MMP11: variants seen among roughly 807,000 people sequenced by gnomAD.
MMP11 encodes matrix metallopeptidase 11, also known as stromelysin-3.
Under a neutral mutation model 49.5 loss-of-function variants are expected in MMP11, and 26 were observed. That is an observed-to-expected ratio of 0.52 (90% CI 0.38 to 0.73). MMP11 has a LOEUF of 0.73. MMP11 is among the 30% of genes least tolerant of loss of function. MMP11 has a pLI of 0.00. For synonymous variants in MMP11, 265 were observed against 282.3 expected (o/e 0.94, Z 0.62); for missense variants, 624 against 671.2 (o/e 0.93, Z 0.78).
chr22:23,773,238 GGACCT>G (rs1467476091), intron 1 of MMP11, among the ~76,000 whole-genome samples: 1 of 152,210 alleles, frequency 6.6e-6, no homozygotes, highest in African/African-American at 2.4e-5. Flanking sequence ...CCCAGCGTGG[GGACCT>G]GCCTCTCGCG....
chr22:23,776,828 G>T (rs1171499340), intron 1 of MMP11, among the ~76,000 whole-genome samples: 2 of 144,176 alleles, frequency 1.4e-5, no homozygotes, highest in African/African-American at 5.2e-5. Flanking sequence ...TTTTTTTTGA[G>T]ATGGAGTCTC....
intron 7 of MMP11, 32 bp downstream of exon 7, chr22:23,782,515 TG>T: frequency 6.3e-7 from 1 of 1,577,584 alleles, no homozygotes. Flanking sequence ...TGGTGGGAGG[TG>T]GGCACAGCAG....
At chr22:23,778,258 G>A (rs1029100568) in intron 1 of MMP11, among the ~76,000 whole-genome samples, 4 of 152,208 alleles carry the variant, frequency 2.6e-5, no homozygotes, top group African/African-American at 9.6e-5. Context: ...GACTTTGCAG[G>A]GTCTCCAACC....
Position 23,780,108 on chromosome 22 carries a change from G to A in MMP11, c.339-251G>A. 2 of 561,094 alleles carry A rather than the reference G, an allele frequency of 3.6e-6. No individual in the cohort carries two copies. Among genetic ancestry groups the A allele is most frequent in the South Asian group, 4.4e-5 (2 of 45,330 alleles). 34.8% of individuals were successfully genotyped at this position (561,094 alleles called of 1,614,324 possible). Reference sequence around the variant, plus strand: ...TGGCACTGTCAGGTCTAGGATGGGGGTCTCGGGACCCCTGGTCCTGGTTCT... The same window carrying A: ...TGGCACTGTCAGGTCTAGGATGGGGATCTCGGGACCCCTGGTCCTGGTTCT... On this transcript the variant is annotated intron_variant, in intron 2 of 7. Coordinates refer to ENST00000215743, the MANE Select transcript of MMP11 (RefSeq NM_005940.5). The surrounding 1 kb of genome is among the most constrained non-coding windows in gnomAD (Gnocchi z 4.6).
intron 1 of MMP11, among the ~76,000 whole-genome samples, chr22:23,774,450 G>C (rs1927341025): frequency 6.6e-6 from 1 of 152,156 alleles, no homozygotes; most frequent in Non-Finnish European, 1.5e-5. Flanking sequence ...GCAAGGCTGG[G>C]AGAGCTCTGT....
At chr22:23,773,280 G>A (rs1418754407) in intron 1 of MMP11, among the ~76,000 whole-genome samples, 2 of 152,182 alleles carry the variant, frequency 1.3e-5, no homozygotes, top group Non-Finnish European at 2.9e-5. Flanking sequence ...TGGAGTGTGC[G>A]TTGAAGGAAG....
intron 7 of MMP11, 99 bp from the exon 8 acceptor site, chr22:23,783,312 A>G: frequency 6.8e-7 from 1 of 1,466,290 alleles, no homozygotes; most frequent in East Asian, 2.3e-5. Context: ...AGGGCTTCCC[A>G]CTCAGCCCTC....
chr22:23,781,768 A>T, intron 6 of MMP11: 1 of 599,580 alleles, frequency 1.7e-6, no homozygotes, highest in South Asian at 1.5e-5. Flanking sequence ...CAGGGAATTG[A>T]TCCAGGTCTA....
chr22:23,782,059 C>T (rs766914858), intron 6 of MMP11, 167 bp from the exon 7 acceptor site: 26 of 1,018,112 alleles, frequency 2.6e-5, no homozygotes, highest in African/African-American at 1.6e-4. Flanking sequence ...CCAGGCCTCC[C>T]GCTTCCCTCT....
rs779012053 is a variant in MMP11, at chr22:23,783,618, C to A, written c.*74C>A. 3.2e-6 allele frequency: 5 copies of A among 1,581,762 alleles called. No individual in the cohort carries two copies. In the East Asian group the frequency reaches 1.1e-4, roughly 36 times the overall value. On this transcript the variant is annotated 3_prime_UTR_variant, in exon 8 of 8. Coordinates refer to ENST00000215743, the MANE Select transcript of MMP11 (RefSeq NM_005940.5). ...TATCAGGCTAGAGACCCATGGCCAT[C>A]TTTGTGGCTGTGGGCACCAGGCATG...
chr22:23,773,299 G>A lies in MMP11; in HGVS notation c.108+321G>A, dbSNP rs28363615. Among the ~76,000 whole-genome samples the A allele has an allele frequency of 8.0e-3, 1,221 of 152,294 alleles. 31 individuals are homozygous for A. The South Asian group carries it at 0.11, about 13-fold the overall frequency. ...GTGTGCGTTGAAGGAAGCAGCAGAG[G>A]GAGTGGTAACAGGGCCCCCTATTCA... On this transcript the variant is annotated intron_variant, in intron 1 of 7. Transcript: ENST00000215743.
At position 23,778,879 on chromosome 22, in the gene MMP11, A is replaced by T. The variant is rs184291252; in HGVS notation, c.109-308A>T. 2.3e-3 allele frequency among the ~76,000 whole-genome samples: 348 copies of T among 152,294 alleles called. 2 individuals carry two copies. Among genetic ancestry groups the T allele is most frequent in the African/African-American group, 8.1e-3 (336 of 41,572 alleles). On this transcript the variant is annotated intron_variant, in intron 1 of 7. Coordinates refer to ENST00000215743, the MANE Select transcript of MMP11 (RefSeq NM_005940.5). ...GGTCCATTCCTGGAGTGTATGGCTC[A>T]TAGCCAGTCCCAGTGTGCCCCCACC...
At chr22:23,773,424 A>T (rs1222435523) in intron 1 of MMP11, among the ~76,000 whole-genome samples, 1 of 152,116 alleles carries the variant, frequency 6.6e-6, no homozygotes, top group Non-Finnish European at 1.5e-5. Context: ...TGAAGGATAA[A>T]GGGAGAAGGG....
intron 1 of MMP11, among the ~76,000 whole-genome samples, chr22:23,776,015 A>G (rs1013109907): frequency 6.6e-6 from 1 of 152,376 alleles, no homozygotes; most frequent in Admixed American, 6.5e-5. Context: ...TCTCCATGTC[A>G]TAGAACTAGG....
rs1927668422 is a variant in MMP11, at chr22:23,782,350, C to T, written c.1200C>T (p.Ile400=). Residue 400 remains isoleucine (I), a synonymous_variant, in exon 7 of 8, where the codon ATC becomes ATT. Transcript: ENST00000215743. Reference sequence around the variant, plus strand: ...TCTGGGGTCCCGAGAAGAACAAGATCTACTTCTTCCGAGGCAGGGACTACT... The same window carrying T: ...TCTGGGGTCCCGAGAAGAACAAGATTTACTTCTTCCGAGGCAGGGACTACT... The part of the protein sequence containing the change: ...ALVWGPEKNK[I]YFFRGRDYWR... The T allele has an allele frequency of 6.2e-7, 1 of 1,614,048 alleles. No individual in the cohort carries two copies. Among genetic ancestry groups the T allele is most frequent in the Non-Finnish European group, 8.5e-7 (1 of 1,180,016 alleles).
Position 23,772,860 on chromosome 22 carries a change from C to T in MMP11, c.-11C>T, listed in dbSNP as rs1927277268. 3.5e-6 allele frequency: 4 copies of T among 1,152,438 alleles called. No individual in the cohort carries two copies. The highest frequency in any genetic ancestry group is 4.3e-6 in the Non-Finnish European group (4 of 937,074). 71.4% of individuals were successfully genotyped at this position (1,152,438 alleles called of 1,614,324 possible). A position where few individuals can be genotyped will look rare whatever the true frequency, so the allele number is the denominator to read the frequency against. On this transcript the variant is annotated 5_prime_UTR_variant, in exon 1 of 8. Coordinates refer to ENST00000215743, the MANE Select transcript of MMP11 (RefSeq NM_005940.5). ...CGGAGCGGCCCAGCAAGCCCAGCAG[C>T]CCCGGGGCGGATGGCTCCGGCCGCC... is the stretch of plus-strand genomic sequence containing the variant.
Position 23,781,044 on chromosome 22 carries a change from A to G in MMP11, c.802A>G (p.Thr268Ala). 1.2e-6 allele frequency: 2 copies of G among 1,611,490 alleles called. No individual in the cohort carries two copies. The highest frequency in any genetic ancestry group is 2.2e-5 in the South Asian group (2 of 91,060). The change falls in exon 5 of 8, where the codon ACC (threonine) becomes GCC (alanine). Residue 268 changes from threonine to alanine, a missense_variant. Thr to Ala is a moderately conservative substitution (Grantham distance 58, BLOSUM62 0). Transcript: ENST00000215743. ...GCCCTGGCCCACTGTCACCTCCAGGACCCCAGCCCTGGGCCCCCAGGCTGG... is the reference window on the plus strand; with the variant it reads ...GCCCTGGCCCACTGTCACCTCCAGGGCCCCAGCCCTGGGCCCCCAGGCTGG... The part of the protein sequence containing the change: ...GQPWPTVTSR[T>A]PALGPQAGID...
rs528076900 is a variant in MMP11 at position 23,780,397 on chromosome 22, T to C, written c.377T>C (p.Val126Ala). 2 of 1,613,416 alleles carry C rather than the reference T, an allele frequency of 1.2e-6. No homozygotes were observed. The highest frequency in any genetic ancestry group is 8.5e-7 in the Non-Finnish European group (1 of 1,180,010). The stretch of plus-strand genomic sequence containing the variant: ...CCATGGCAGTTGGTGCAGGAGCAGG[T>C]GCGGCAGACGATGGCAGAGGCCCTA... ...RFPWQLVQEQ[V>A]RQTMAEALKV... The change falls in exon 3 of 8, where the codon GTG becomes GCG. Residue 126 changes from valine (V) to alanine (A), a missense_variant. Val to Ala is a moderately conservative substitution (Grantham distance 64, BLOSUM62 0). Coordinates refer to ENST00000215743, the MANE Select transcript of MMP11 (RefSeq NM_005940.5). This position sits in a 1 kb window ranked among gnomAD's most constrained non-coding sequence, Gnocchi z 4.6.
At chr22:23,776,876 C>T (rs1412671880) in intron 1 of MMP11, among the ~76,000 whole-genome samples, 2 of 150,046 alleles carry the variant, frequency 1.3e-5, no homozygotes, top group Non-Finnish European at 3.0e-5. Flanking sequence ...GGCACGATCT[C>T]GGCTCACTGC....
Sources: gnomAD v4.1 joint callset for allele counts (sites outside exome capture counted in the v4.1 genomes callset) on GRCh38, gnomAD v4.1.1 for gene constraint, Gnocchi (gnomAD v3.1) non-coding constraint, MANE v1.5 for transcripts, NCBI Gene and HGNC (gene_info 2026-07-23, HGNC 2026-07-21) for gene names.